The following HHAT variants were observed in gnomAD, a reference collection of about 807,000 sequenced individuals.
The protein encoded by HHAT is protein-cysteine N-palmitoyltransferase HHAT.
Under a neutral mutation model 70.8 loss-of-function variants are expected in HHAT, and 47 were observed. The ratio of observed to expected loss-of-function variants is 0.66; its 90% CI spans 0.53 to 0.85. The LOEUF is 0.85. HHAT is among the 40% of genes least tolerant of loss of function. The pLI is 0.00. For synonymous variants in HHAT, 228 were observed against 247.6 expected, an observed-to-expected ratio of 0.92 and a Z score of 0.74; for missense variants, 609 against 604.8, an observed-to-expected ratio of 1.01 and a Z score of -0.07.
At chr1:210,548,239 G>T (rs530567244) in intron 9 of HHAT, among the ~76,000 whole-genome samples, 46 of 152,266 alleles carry the variant, frequency 3.0e-4, no homozygotes, top group African/African-American at 1.1e-3. Context: ...AATTACCAAG[G>T]CTGAGCCAAC....
At chr1:210,514,178 C>T (rs945115719) in intron 9 of HHAT, among the ~76,000 whole-genome samples, 1 of 152,132 alleles carries the variant, frequency 6.6e-6, no homozygotes, top group Non-Finnish European at 1.5e-5. Context: ...GGTGATGTTC[C>T]GAGTGAGGCC....
chr1:210,587,793 C>T (rs1660801446), intron 9 of HHAT, 105 bp from the exon 10 acceptor site: 1 of 827,614 alleles, frequency 1.2e-6, no homozygotes, highest in East Asian at 2.4e-5. Context: ...GAGGAAGGAT[C>T]TGCATATGTG....
At chr1:210,443,444 C>T (rs2093570195) in intron 7 of HHAT, among the ~76,000 whole-genome samples, 2 of 148,248 alleles carry the variant, frequency 1.3e-5, no homozygotes, top group South Asian at 2.2e-4. Context: ...GCAGTATGGC[C>T]ATTTTCATGA....
chr1:210,605,256 GTAAATAATTTA>G (rs1229515800), intron 10 of HHAT, among the ~76,000 whole-genome samples: 1 of 152,196 alleles, frequency 6.6e-6, no homozygotes, highest in African/African-American at 2.4e-5. Flanking sequence ...ACTGGGGAAG[GTAAATAATTTA>G]TCTCAGAACA....
chr1:210,418,823 A>G (rs566024007), intron 7 of HHAT, among the ~76,000 whole-genome samples: 1 of 152,138 alleles, frequency 6.6e-6, no homozygotes. Context: ...ACTTGAGGTC[A>G]GGAGTTTGAG....
At chr1:210,360,351 C>G (rs1484158277) in intron 2 of HHAT, among the ~76,000 whole-genome samples, 1 of 147,826 alleles carries the variant, frequency 6.8e-6, no homozygotes, top group East Asian at 1.9e-4. Context: ...GCTCTTTTTG[C>G]CCAGGCTGGA....
chr1:210,328,852 AT>A (rs1421660377), upstream of HHAT: 4 of 437,560 alleles, frequency 9.1e-6, no homozygotes, highest in Non-Finnish European at 1.5e-5. Flanking sequence ...CCTGCTCGCC[AT>A]CGCCCGGAGA....
At chr1:210,575,696 T>C (rs1657570318) in intron 9 of HHAT, among the ~76,000 whole-genome samples, 1 of 152,204 alleles carries the variant, frequency 6.6e-6, no homozygotes, top group African/African-American at 2.4e-5. Context: ...TTGCTTTGCT[T>C]GTTTGTTTGC....
intron 1 of HHAT, among the ~76,000 whole-genome samples, chr1:210,343,473 A>G (rs537144422): frequency 3.9e-5 from 6 of 152,220 alleles, no homozygotes; most frequent in Non-Finnish European, 5.9e-5. Flanking sequence ...AGTCAGCTAC[A>G]GGCAAGAGTT....
intron 1 of HHAT, among the ~76,000 whole-genome samples, chr1:210,348,675 A>G (rs2086729910): frequency 1.3e-5 from 2 of 150,542 alleles, no homozygotes; most frequent in Non-Finnish European, 3.0e-5. Context: ...GACTGTGGGA[A>G]CTCCTAGGAA....
intron 11 of HHAT, among the ~76,000 whole-genome samples, chr1:210,651,837 C>T (rs1675224593): frequency 6.6e-6 from 1 of 152,200 alleles, no homozygotes; most frequent in Admixed American, 6.5e-5. Flanking sequence ...AGTAAAGCAG[C>T]CCTGGTGGCC....
At chr1:210,453,148 T>A (rs1220970052) in intron 7 of HHAT, among the ~76,000 whole-genome samples, 2 of 152,172 alleles carry the variant, frequency 1.3e-5, no homozygotes, top group Admixed American at 1.3e-4. Context: ...TGACGTCTGA[T>A]CCTTGTTTTG....
intron 11 of HHAT, among the ~76,000 whole-genome samples, chr1:210,668,449 TAGTG>T (rs1217572773): frequency 2.6e-5 from 4 of 152,180 alleles, no homozygotes; most frequent in Non-Finnish European, 4.4e-5. Context: ...TTCTCAGGAA[TAGTG>T]AGTAAGTCTC....
intron 9 of HHAT, among the ~76,000 whole-genome samples, chr1:210,558,196 C>T (rs1181731710): frequency 6.6e-6 from 1 of 152,184 alleles, no homozygotes; most frequent in Non-Finnish European, 1.5e-5. Context: ...AGAAGATACC[C>T]AGCAATTGGT....
intron 8 of HHAT, among the ~76,000 whole-genome samples, chr1:210,467,640 A>G (rs1429131077): frequency 6.6e-6 from 1 of 152,192 alleles, no homozygotes; most frequent in African/African-American, 2.4e-5. Flanking sequence ...CATGTCAGCT[A>G]TTCACATGGT....
In HHAT at chr1:210,438,828, A is replaced by G. The variant is rs1036337813; in HGVS notation, c.856+20503A>G. Among the ~76,000 whole-genome samples the G allele has an allele frequency of 3.3e-5, 5 of 152,002 alleles. 1 individual carries two copies. The highest frequency in any genetic ancestry group is 4.9e-5 in the African/African-American group (2 of 41,226). ...TGCCAAACACTGCTTTAAGAGCTTTATATTAGCCTATGTAATTCTCACAGC... is the reference window on the plus strand; with the variant it reads ...TGCCAAACACTGCTTTAAGAGCTTTGTATTAGCCTATGTAATTCTCACAGC... On this transcript the variant is annotated intron_variant, in intron 7 of 11. Coordinates refer to ENST00000261458, the MANE Select transcript of HHAT (RefSeq NM_018194.6).
At chr1:210,411,231 C>T (rs1416886206) in intron 6 of HHAT, among the ~76,000 whole-genome samples, 1 of 152,168 alleles carries the variant, frequency 6.6e-6, no homozygotes, top group African/African-American at 2.4e-5. Flanking sequence ...TGCTATCTCT[C>T]CACTCCCTGG....
chr1:210,668,984 A>G (rs1366462050), intron 11 of HHAT, among the ~76,000 whole-genome samples: 1 of 152,130 alleles, frequency 6.6e-6, no homozygotes, highest in African/African-American at 2.4e-5. Context: ...TATGTTGACC[A>G]GGCTGGTTTC....
intron 11 of HHAT, among the ~76,000 whole-genome samples, chr1:210,633,372 G>T (rs1308462688): frequency 6.6e-6 from 1 of 152,188 alleles, no homozygotes; most frequent in Admixed American, 6.5e-5. Context: ...ATGCCCGGTC[G>T]CAGCAATGTC....
Sources: allele counts gnomAD v4.1 joint callset (sites outside exome capture counted in the v4.1 genomes callset), GRCh38; gene constraint gnomAD v4.1.1; transcripts MANE v1.5; gene names NCBI Gene and HGNC (gene_info 2026-07-23, HGNC 2026-07-21).